TNFRSF10B: variants seen among roughly 807,000 people sequenced by gnomAD.
TNFRSF10B encodes the protein tumor necrosis factor receptor superfamily member 10B.
TNFRSF10B carries 35 observed loss-of-function variants against 41.4 expected under a neutral mutation model. That is an observed-to-expected ratio of 0.85 (90% CI 0.65 to 1.12). The LOEUF (loss-of-function observed/expected upper bound fraction) is 1.12. Among genes scored for constraint, TNFRSF10B ranks in the 50% most tolerant of loss-of-function variants. The pLI, the probability that TNFRSF10B is intolerant of heterozygous loss-of-function variation, is 0.00. For synonymous variants in TNFRSF10B, 230 were observed against 215.5 expected (o/e 1.07, Z -0.59); for missense variants, 584 against 552.7 (o/e 1.06, Z -0.57).
intron 1 of TNFRSF10B, among the ~76,000 whole-genome samples, chr8:23,045,060 C>CAAAAAAAAAAAAA (rs35953846): frequency 2.1e-3 from 80 of 38,756 alleles, no homozygotes; most frequent in East Asian, 3.9e-3. Flanking sequence ...TAATAAAATA[C>CAAAAAAAAAAAAA]AAAAAAAAAA....
At chr8:23,039,848 C>T (rs1812119147) in intron 2 of TNFRSF10B, among the ~76,000 whole-genome samples, 1 of 152,096 alleles carries the variant, frequency 6.6e-6, no homozygotes, top group South Asian at 2.1e-4. Context: ...TATAAAACTA[C>T]CTGTTTAGAT....
At chr8:23,025,399 T>G (rs1811672876) in intron 7 of TNFRSF10B, among the ~76,000 whole-genome samples, 1 of 152,168 alleles carries the variant, frequency 6.6e-6, no homozygotes, top group African/African-American at 2.4e-5. Context: ...TTAATATTTG[T>G]AAAGTCTAGT....
intron 2 of TNFRSF10B, among the ~76,000 whole-genome samples, chr8:23,033,213 C>G (rs1194006835): frequency 6.6e-6 from 1 of 152,052 alleles, no homozygotes; most frequent in Non-Finnish European, 1.5e-5. Context: ...TAGATCTGCC[C>G]TGTGAAATGC....
intron 7 of TNFRSF10B, among the ~76,000 whole-genome samples, chr8:23,025,508 T>G (rs1019998670): frequency 6.6e-6 from 1 of 152,184 alleles, no homozygotes; most frequent in Admixed American, 6.5e-5. Context: ...TGAAAACATA[T>G]TTGCTGTCTA....
At position 23,022,709 on chromosome 8, in the gene TNFRSF10B, T is replaced by A. The variant is rs1811572227; in HGVS notation, c.1285A>T (p.Met429Leu). 2 of 1,613,886 alleles carry A rather than the reference T, an allele frequency of 1.2e-6. No homozygotes were observed. The highest frequency in any genetic ancestry group is 2.2e-5 in the South Asian group (2 of 91,072). Residue 429 changes from methionine to leucine, a missense_variant, in exon 9 of 9, where the codon ATG becomes TTG. By Grantham distance (15) the Met-to-Leu change is conservative (BLOSUM62 2). Transcript: ENST00000276431. ...GAGTCTGCATTACCTTCTAGATACA[T>A]GAACTTTCCAGAGCTCAACAAGTGG... is the stretch of plus-strand genomic sequence containing the variant. ...EDHLLSSGKF[M>L]YLEGNADSAM...
intron 2 of TNFRSF10B, among the ~76,000 whole-genome samples, chr8:23,040,833 C>T (rs956422097): frequency 2.6e-5 from 4 of 152,084 alleles, no homozygotes; most frequent in African/African-American, 9.6e-5. Flanking sequence ...TTACACAAAC[C>T]TTACTTAATA....
At chr8:23,037,307 C>T (rs1341873577) in intron 2 of TNFRSF10B, among the ~76,000 whole-genome samples, 2 of 152,278 alleles carry the variant, frequency 1.3e-5, no homozygotes, top group South Asian at 2.1e-4. Flanking sequence ...GCTACAGCTG[C>T]TACTGAGTGC....
rs76970501 is a variant in TNFRSF10B, at chr8:23,027,805, C to A, written c.749-52G>T. 8.0e-3 allele frequency: 12,954 copies of A among 1,611,510 alleles called. 69 individuals are homozygous for A. Among genetic ancestry groups the A allele is most frequent in the Non-Finnish European group, 0.01 (11,844 of 1,178,460 alleles). ...GGAAGGGAGGGGCCCATGAAGCACC[C>A]CCCTCCCAGAGGACAGTGGGGCGCA... On this transcript the variant is annotated intron_variant, in intron 5 of 8. Coordinates refer to ENST00000276431, the MANE Select transcript of TNFRSF10B (RefSeq NM_003842.5).
chr8:23,044,478 A>G (rs1196420446), intron 1 of TNFRSF10B, among the ~76,000 whole-genome samples: 3 of 152,176 alleles, frequency 2.0e-5, no homozygotes, highest in Non-Finnish European at 2.9e-5. Flanking sequence ...CAACAACAAA[A>G]AGCCAACAAT....
At chr8:23,051,426 G>A (rs149125219) in intron 1 of TNFRSF10B, among the ~76,000 whole-genome samples, 2 of 152,078 alleles carry the variant, frequency 1.3e-5, no homozygotes, top group Admixed American at 6.6e-5. Context: ...TGGCATAGAG[G>A]CTACAAAACT....
At chr8:23,066,741 C>G (rs908272526) in intron 1 of TNFRSF10B, among the ~76,000 whole-genome samples, 2 of 151,838 alleles carry the variant, frequency 1.3e-5, no homozygotes, top group African/African-American at 4.8e-5. Context: ...ACTAAAAATA[C>G]AAAAAGTTCG....
intron 1 of TNFRSF10B, among the ~76,000 whole-genome samples, chr8:23,050,626 G>A (rs1014058075): frequency 6.6e-6 from 1 of 151,950 alleles, no homozygotes; most frequent in Non-Finnish European, 1.5e-5. Flanking sequence ...AGCTACTCTG[G>A]GGTTTTAAAG....
At chr8:23,059,970 G>A (rs1273445445) in intron 1 of TNFRSF10B, among the ~76,000 whole-genome samples, 2 of 152,124 alleles carry the variant, frequency 1.3e-5, no homozygotes, top group African/African-American at 4.8e-5. Flanking sequence ...AAAATCAGTT[G>A]CCCATTTTTA....
intron 8 of TNFRSF10B, 96 bp downstream of exon 8, chr8:23,024,092 T>TA: frequency 6.7e-7 from 1 of 1,484,700 alleles, no homozygotes; most frequent in Non-Finnish European, 9.4e-7. Context: ...CAGCATGGAA[T>TA]ACTCTGGAAG....
At chr8:23,065,581 G>A (rs1812957709) in intron 1 of TNFRSF10B, among the ~76,000 whole-genome samples, 1 of 152,162 alleles carries the variant, frequency 6.6e-6, no homozygotes, top group South Asian at 2.1e-4. Flanking sequence ...GGGTGCTGGC[G>A]AGTTACCATC....
rs760214544 is a variant in TNFRSF10B at position 23,028,618 on chromosome 8, G to A, written c.477-16C>T. On this transcript the variant is annotated splice_polypyrimidine_tract_variant and intron_variant, in intron 4 of 8. Coordinates refer to ENST00000276431, the MANE Select transcript of TNFRSF10B (RefSeq NM_003842.5). ...TCTGGGACACCTGGGTACACACACAGAGGGAGAGGGGGGACTCTTGATGGA... is the reference window on the plus strand; with the variant it reads ...TCTGGGACACCTGGGTACACACACAAAGGGAGAGGGGGGACTCTTGATGGA... 3.0e-5 allele frequency: 49 copies of A among 1,613,800 alleles called. No individual in the cohort carries two copies. In the Middle Eastern group the frequency reaches 6.7e-4, roughly 22 times the overall value.
At position 23,027,156 on chromosome 8, in the gene TNFRSF10B, G is replaced by A; in HGVS notation, c.913C>T (p.Pro305Ser). The change falls in exon 7 of 9, where the codon CCC (proline) becomes TCC (serine). Residue 305 changes from proline to serine, a missense_variant. Pro to Ser is a moderately conservative substitution (Grantham distance 74). Coordinates refer to ENST00000276431, the MANE Select transcript of TNFRSF10B (RefSeq NM_003842.5). ...ACCAGCAGATGCTCTGACTCCCCGGGGGACAACATGTTGACACCTGTTGGC... is the reference window on the plus strand; with the variant it reads ...ACCAGCAGATGCTCTGACTCCCCGGAGGACAACATGTTGACACCTGTTGGC... ...AEPTGVNMLSPGESEHLLEPA... is the reference protein window; with the variant it reads ...AEPTGVNMLSSGESEHLLEPA... 1 of 1,614,156 alleles carries A rather than the reference G, an allele frequency of 6.2e-7. No individual in the cohort carries two copies. The highest frequency in any genetic ancestry group is 8.5e-7 in the Non-Finnish European group (1 of 1,180,030).
Position 23,029,714 on chromosome 8 carries a change from C to T in TNFRSF10B, c.372G>A (p.Val124=). Residue 124 remains valine (V), a synonymous_variant, in exon 4 of 9, where the codon GTG becomes GTA. Coordinates refer to ENST00000276431, the MANE Select transcript of TNFRSF10B (RefSeq NM_003842.5). Reference sequence around the variant, plus strand: ...TGGTCGTGGTGCAGGGACTTAGCTCCACTTCACCTGACGACAGAGCATAAG... The same window carrying T: ...TGGTCGTGGTGCAGGGACTTAGCTCTACTTCACCTGACGACAGAGCATAAG... ...LRCTRCDSGE[V]ELSPCTTTRN... is the part of the protein sequence containing the mutation. The T allele has an allele frequency of 6.2e-7, 1 of 1,613,624 alleles. No homozygotes were observed. Among genetic ancestry groups the T allele is most frequent in the Non-Finnish European group, 8.5e-7 (1 of 1,179,850 alleles).
chr8:23,026,750 T>C (rs1179144146), intron 7 of TNFRSF10B, among the ~76,000 whole-genome samples: 2 of 152,210 alleles, frequency 1.3e-5, no homozygotes, highest in Middle Eastern at 3.2e-3. Flanking sequence ...CTTTGAAATA[T>C]GTTCAATGTA....
Sources: gnomAD v4.1 joint callset for allele counts (sites outside exome capture counted in the v4.1 genomes callset) on GRCh38, gnomAD v4.1.1 for gene constraint, MANE v1.5 for transcripts, NCBI Gene and HGNC (gene_info 2026-07-23, HGNC 2026-07-21) for gene names.